ARSG: variants seen among roughly 807,000 people sequenced by gnomAD.
The protein encoded by ARSG is ASG.
A neutral mutation model predicts 50.5 loss-of-function variants in ARSG; 37 were observed. The observed-to-expected ratio is 0.73, with a 90% CI of 0.56 to 0.96. The LOEUF (loss-of-function observed/expected upper bound fraction) is 0.96. ARSG is among the 50% of genes least tolerant of loss of function. The probability of loss-of-function intolerance (pLI) is 0.00; values close to 1 mark genes in which losing one functional copy is unlikely to be tolerated. For missense variants in ARSG, 629 were observed against 675.3 expected (o/e 0.93, Z 0.76); for synonymous variants, 225 against 254.6 (o/e 0.88, Z 1.11).
chr17:68,361,780 G>T (rs796371731), intron 6 of ARSG, among the ~76,000 whole-genome samples: 38 of 152,220 alleles, frequency 2.5e-4, no homozygotes, highest in African/African-American at 8.9e-4. Flanking sequence ...AGCCGGTCAT[G>T]GTGGCACATG....
intron 8 of ARSG, among the ~76,000 whole-genome samples, chr17:68,382,996 T>C (rs2080511206): frequency 6.6e-6 from 1 of 152,238 alleles, no homozygotes; most frequent in Non-Finnish European, 1.5e-5. Flanking sequence ...TCCTAATTCC[T>C]GAATCTTTTG....
the ARSG span, among the ~76,000 whole-genome samples, chr17:68,451,428 G>A: frequency 1.2e-4 from 18 of 152,230 alleles, no homozygotes; most frequent in Non-Finnish European, 2.2e-4. Flanking sequence ...GCAAGACTCC[G>A]TCTCAAGAAA....
At chr17:68,403,110 G>A (rs185621187) in intron 11 of ARSG, among the ~76,000 whole-genome samples, 1 of 151,972 alleles carries the variant, frequency 6.6e-6, no homozygotes, top group Non-Finnish European at 1.5e-5. Context: ...TGACTTGAGG[G>A]GTATTAAAAA....
chr17:68,315,403 C>T (rs1054435023), intron 2 of ARSG, among the ~76,000 whole-genome samples: 2 of 151,836 alleles, frequency 1.3e-5, no homozygotes, highest in Non-Finnish European at 1.5e-5. Flanking sequence ...ATTAGCTGGG[C>T]GTGGTCCTAC....
chr17:68,310,428 A>G (rs1170376824), intron 2 of ARSG, among the ~76,000 whole-genome samples: 1 of 152,230 alleles, frequency 6.6e-6, no homozygotes, highest in Non-Finnish European at 1.5e-5. Context: ...CTGAACTCTA[A>G]GGGACCACAA....
At chr17:68,421,982 G>T, downstream of ARSG, 1 of 753,974 alleles carries the variant, frequency 1.3e-6, no homozygotes, top group Non-Finnish European at 2.3e-6. Flanking sequence ...TGGTCACCCA[G>T]CTTATTTAGG....
chr17:68,289,405 A>T (rs1425100594), upstream of ARSG, among the ~76,000 whole-genome samples: 1 of 152,180 alleles, frequency 6.6e-6, no homozygotes, highest in Non-Finnish European at 1.5e-5. Flanking sequence ...GCATGAAAAA[A>T]ATTGTATTAT....
rs71142163 is a variant in ARSG, at chr17:68,331,177, G to GTTTCTTTCTTTCTTTC, written c.219-12387_219-12372dup. On this transcript the variant is annotated intron_variant, in intron 2 of 11. Transcript: ENST00000621439. ...TTTTTTGTATTTTAGCAAAGACAGG[G>GTTTCTTTCTTTCTTTC]TTTCTTTCTTTCTTTCTTTCTTTCT... Among the ~76,000 whole-genome samples the GTTTCTTTCTTTCTTTC allele has an allele frequency of 1.8e-3, 216 of 119,002 alleles. 1 individual carries two copies. The highest frequency in any genetic ancestry group is 4.3e-3 in the Middle Eastern group (1 of 234). 78.1% of individuals were successfully genotyped at this position (119,002 alleles called of 152,430 possible). A position where few individuals can be genotyped will look rare whatever the true frequency, so the allele number is the denominator to read the frequency against.
chr17:68,436,568 A>G, the ARSG span: 1 of 1,183,994 alleles, frequency 8.4e-7, no homozygotes, highest in Non-Finnish European at 1.2e-6. Flanking sequence ...GTACAGCTAC[A>G]GTGCCACCTA....
rs186137775 is a variant in ARSG, at chr17:68,353,371, G to A, written c.566+1685G>A. On this transcript the variant is annotated intron_variant, in intron 5 of 11. Coordinates refer to ENST00000621439, the MANE Select transcript of ARSG (RefSeq NM_001267727.2). The stretch of plus-strand genomic sequence containing the variant: ...ATAGCATAGTCATTGAACCAGCATG[G>A]TGGATATCACTTACATGCTTGGTAG... Among the ~76,000 whole-genome samples, 21 of 152,156 alleles carry A rather than the reference G, an allele frequency of 1.4e-4. No individual in the cohort carries two copies. The East Asian group carries it at 2.5e-3, about 18-fold the overall frequency.
chr17:68,347,301 G>T (rs531551498), intron 4 of ARSG, 129 bp downstream of exon 4: 66 of 1,077,346 alleles, frequency 6.1e-5, no homozygotes, highest in African/African-American at 2.8e-4. Flanking sequence ...TGTTCACGAG[G>T]TCATTTGAGT....
chr17:68,397,406 A>T (rs987454637), intron 10 of ARSG, among the ~76,000 whole-genome samples: 1 of 152,188 alleles, frequency 6.6e-6, no homozygotes, highest in Non-Finnish European at 1.5e-5. Flanking sequence ...GGTCACACTC[A>T]GTCTCCCAGA....
chr17:68,423,903 T>C (rs1419938326), downstream of ARSG, among the ~76,000 whole-genome samples: 1 of 152,228 alleles, frequency 6.6e-6, no homozygotes, highest in Non-Finnish European at 1.5e-5. The surrounding 1 kb of genome is among the most constrained non-coding windows in gnomAD (Gnocchi z 4.4). Context: ...TAATATTTTA[T>C]AGTAGTTACA....
chr17:68,289,373 C>T (rs1205969536), upstream of ARSG, among the ~76,000 whole-genome samples: 9 of 151,992 alleles, frequency 5.9e-5, no homozygotes, highest in Non-Finnish European at 1.0e-4. Context: ...TTTAATTTGT[C>T]GAGAGAAGAT....
chr17:68,443,251 C>G, the ARSG span, among the ~76,000 whole-genome samples: 1 of 152,112 alleles, frequency 6.6e-6, no homozygotes, highest in African/African-American at 2.4e-5. Flanking sequence ...GCTGGGATTA[C>G]AGGCACTCGC....
chr17:68,270,878 T>C, intron 1 of ARSG: 1 of 1,614,146 alleles, frequency 6.2e-7, no homozygotes, highest in Non-Finnish European at 8.5e-7. Context: ...ATGCTCTGAA[T>C]GAAGATGTAG....
intron 11 of ARSG, among the ~76,000 whole-genome samples, chr17:68,405,598 T>C (rs1568586044): frequency 6.6e-6 from 1 of 152,204 alleles, no homozygotes; most frequent in Non-Finnish European, 1.5e-5. Flanking sequence ...GTTTTCTACA[T>C]ATAAGATTAT....
At chr17:68,360,232 C>A (rs1208632799) in intron 6 of ARSG, among the ~76,000 whole-genome samples, 1 of 152,236 alleles carries the variant, frequency 6.6e-6, no homozygotes, top group Non-Finnish European at 1.5e-5. Context: ...GTCCTGTTGG[C>A]ATTTAACATC....
chr17:68,445,597 C>G, the ARSG span, among the ~76,000 whole-genome samples: 10 of 152,198 alleles, frequency 6.6e-5, no homozygotes, highest in African/African-American at 2.4e-4. Flanking sequence ...GCTGCCAGAC[C>G]CTTCTCTTCC....
Sources: allele counts gnomAD v4.1 joint callset (sites outside exome capture counted in the v4.1 genomes callset), GRCh38; gene constraint gnomAD v4.1.1; non-coding constraint Gnocchi (gnomAD v3.1); transcripts MANE v1.5; gene names NCBI Gene and HGNC (gene_info 2026-07-23, HGNC 2026-07-21).